Variants in CD160 observed in about 807,000 individuals in gnomAD.
CD160 encodes the protein CD160 antigen.
In CD160, 11 loss-of-function variants were observed where a neutral mutation model predicts 19.2. That is an observed-to-expected ratio of 0.57 (90% CI 0.36 to 0.95). CD160 has a LOEUF of 0.95. CD160 is among the 40% of genes least tolerant of loss of function. The pLI, the probability that CD160 is intolerant of heterozygous loss-of-function variation, is 0.01. For synonymous variants in CD160, 75 were observed against 81.1 expected (o/e 0.93, Z 0.40); for missense variants, 182 against 213.2 (o/e 0.85, Z 0.91).
At chr1:145,723,286 T>C (rs1436557926) in intron 1 of CD160, among the ~76,000 whole-genome samples, 1 of 152,230 alleles carries the variant, frequency 6.6e-6, no homozygotes. Flanking sequence ...AATAGTACTG[T>C]ATAGTTTGTA....
chr1:145,724,760 G>A (rs1229826979), intron 1 of CD160, 41 bp from the exon 2 acceptor site: 1 of 151,794 alleles, frequency 6.6e-6, no homozygotes, highest in African/African-American at 2.4e-5. Context: ...TGGTTAATTT[G>A]TGTGTGTGTG....
chr1:145,736,741 A>C (rs1292539193), intron 5 of CD160: 1 of 159,124 alleles, frequency 6.3e-6, no homozygotes, highest in Non-Finnish European at 1.4e-5. Context: ...GCATTCCTCA[A>C]ATCAATAACT....
intron 2 of CD160, among the ~76,000 whole-genome samples, chr1:145,727,783 C>T (rs1657110777): frequency 6.6e-6 from 1 of 152,090 alleles, no homozygotes; most frequent in African/African-American, 2.4e-5. Flanking sequence ...TGAAAAGATC[C>T]TCAACTTCAC....
chr1:145,735,337 G>C (rs1553709953), intron 4 of CD160, among the ~76,000 whole-genome samples: 1 of 152,102 alleles, frequency 6.6e-6, no homozygotes, highest in African/African-American at 2.4e-5. Flanking sequence ...TGTAACCCCA[G>C]CACTTAGGGA....
chr1:145,738,123 G>C (rs1657569361), intron 5 of CD160: 1 of 165,478 alleles, frequency 6.0e-6, no homozygotes, highest in Non-Finnish European at 1.3e-5. Context: ...CTCAGCTCAT[G>C]AACTAGTTTC....
intron 1 of CD160, among the ~76,000 whole-genome samples, chr1:145,722,619 T>G (rs587733008): frequency 1.3e-5 from 2 of 152,368 alleles, no homozygotes; most frequent in African/African-American, 4.8e-5. Flanking sequence ...CGAGACAGAA[T>G]CTTGCTCTGT....
In CD160 at chr1:145,724,879, T is replaced by C. The variant is rs1226544260; in HGVS notation, c.-100T>C. The stretch of plus-strand genomic sequence containing the variant: ...CGTGAACTCCCGGGCTCCTCCCACC[T>C]AAGTCTCTTGAGTAGCTGGGACTTC... On this transcript the variant is annotated 5_prime_UTR_variant, in exon 2 of 6. Transcript: ENST00000369288. 1 of 151,980 alleles carries C rather than the reference T, an allele frequency of 6.6e-6. No homozygotes were observed. Among genetic ancestry groups the C allele is most frequent in the Non-Finnish European group, 1.5e-5 (1 of 68,010 alleles). The allele number at this position is 151,980 out of a possible 1,614,324, so 9.4% of individuals were successfully genotyped here.
At chr1:145,726,203 A>C (rs1181204490) in intron 2 of CD160, among the ~76,000 whole-genome samples, 2 of 152,320 alleles carry the variant, frequency 1.3e-5, no homozygotes, top group Non-Finnish European at 2.9e-5. Flanking sequence ...TAGAACTAGA[A>C]ATACCATTTG....
chr1:145,730,220 G>A lies in CD160; in HGVS notation c.74-524G>A, dbSNP rs78832965. Among the ~76,000 whole-genome samples, 618 of 152,208 alleles carry A rather than the reference G, an allele frequency of 4.1e-3. 4 individuals are homozygous for A. Among genetic ancestry groups the A allele is most frequent in the African/African-American group, 0.014 (592 of 41,490 alleles). ...CTGTAGTGTTAGCTATTCGGAAGGC[G>A]GAAGCAGGAGGATTGCTTGAGCCCA... is the stretch of plus-strand genomic sequence containing the variant. On this transcript the variant is annotated intron_variant, in intron 3 of 5. Coordinates refer to ENST00000369288, the MANE Select transcript of CD160 (RefSeq NM_007053.4).
intron 2 of CD160, among the ~76,000 whole-genome samples, chr1:145,725,782 A>G (rs1657030064): frequency 6.6e-6 from 1 of 152,138 alleles, no homozygotes; most frequent in Non-Finnish European, 1.5e-5. Flanking sequence ...ATTCATTATT[A>G]CCATTATTAT....
intron 5 of CD160, 122 bp downstream of exon 5, chr1:145,736,256 C>G (rs1553710177): frequency 1.3e-6 from 2 of 1,563,542 alleles, no homozygotes; most frequent in Admixed American, 3.9e-5. Context: ...AAAAATGTTA[C>G]TCAAGCCCTG....
chr1:145,726,886 T>C (rs1657071777), intron 2 of CD160, among the ~76,000 whole-genome samples: 1 of 152,276 alleles, frequency 6.6e-6, no homozygotes, highest in South Asian at 2.1e-4. Flanking sequence ...GAATATCACA[T>C]TCTCGGATCA....
At chr1:145,722,133 T>C (rs587709911) in intron 1 of CD160, among the ~76,000 whole-genome samples, 1 of 152,298 alleles carries the variant, frequency 6.6e-6, no homozygotes, top group South Asian at 2.1e-4. Context: ...CTAAACACAG[T>C]CTTGCAGGTA....
chr1:145,736,669 A>AT (rs1489553340), intron 5 of CD160: 1 of 161,014 alleles, frequency 6.2e-6, no homozygotes, highest in Non-Finnish European at 1.4e-5. Context: ...ACGTTTTTGC[A>AT]TAACAAGCAA....
At chr1:145,723,603 C>T (rs367577388) in intron 1 of CD160, among the ~76,000 whole-genome samples, 8 of 152,038 alleles carry the variant, frequency 5.3e-5, no homozygotes, top group South Asian at 2.1e-4. Context: ...GGCAGGAAGG[C>T]GACAAAGTTT....
At chr1:145,728,481 T>A in intron 3 of CD160, 81 bp downstream of exon 3, 1 of 810,742 alleles carries the variant, frequency 1.2e-6, no homozygotes, top group Non-Finnish European at 2.1e-6. Context: ...TGATTTTCTC[T>A]AGTGGGGAAA....
rs1657138993 is a variant in CD160 at position 145,728,373 on chromosome 1, C to G, written c.46C>G (p.Leu16Val). The change falls in exon 3 of 6, where the codon CTG (leucine) becomes GTG (valine). Residue 16 changes from leucine to valine, a missense_variant. Transcript: ENST00000369288. ...AGGCTGCTGTGCCCTGGCCATCCTG[C>G]TGGCAATTGTGGACATCCAGTCTGG... ...GRGCCALAIL[L>V]AIVDIQSGGC... is the part of the protein sequence containing the mutation. The G allele has an allele frequency of 6.2e-7, 1 of 1,613,056 alleles. No homozygotes were observed. Among genetic ancestry groups the G allele is most frequent in the Non-Finnish European group, 8.5e-7 (1 of 1,179,332 alleles).
At chr1:145,733,288 C>A (rs1657366001) in intron 4 of CD160, among the ~76,000 whole-genome samples, 1 of 152,124 alleles carries the variant, frequency 6.6e-6, no homozygotes, top group Non-Finnish European at 1.5e-5. Flanking sequence ...CACACGCCAC[C>A]ACCCATCCAA....
intron 5 of CD160, 64 bp from the exon 6 acceptor site, chr1:145,738,422 T>C: frequency 8.7e-7 from 1 of 1,142,894 alleles, no homozygotes; most frequent in Non-Finnish European, 1.2e-6. Flanking sequence ...TGAGACTTCA[T>C]TATATCAGGT....
Sources: allele counts gnomAD v4.1 joint callset (sites outside exome capture counted in the v4.1 genomes callset), GRCh38; gene constraint gnomAD v4.1.1; transcripts MANE v1.5; gene names NCBI Gene and HGNC (gene_info 2026-07-23, HGNC 2026-07-21).